The following ADAMTSL3 variants were observed in gnomAD, a reference collection of about 807,000 sequenced individuals.
ADAMTSL3 encodes ADAMTS-like protein 3.
Under a neutral mutation model 201.7 loss-of-function variants are expected in ADAMTSL3, and 128 were observed. The ratio of observed to expected loss-of-function variants is 0.63; its 90% CI spans 0.55 to 0.73. The LOEUF (loss-of-function observed/expected upper bound fraction) is 0.73, where lower values mean the gene tolerates loss of function less well. Among genes scored for constraint, ADAMTSL3 ranks in the 30% least tolerant of loss-of-function variants. ADAMTSL3 has a pLI of 0.00. For missense variants in ADAMTSL3, 1,990 were observed against 2,119.6 expected, an observed-to-expected ratio of 0.94 and a Z score of 1.20; for synonymous variants, 738 against 748.4, an observed-to-expected ratio of 0.99 and a Z score of 0.23.
intron 7 of ADAMTSL3, among the ~76,000 whole-genome samples, chr15:83,849,352 G>A (rs185049258): frequency 1.2e-4 from 19 of 152,200 alleles, no homozygotes; most frequent in African/African-American, 4.6e-4. Flanking sequence ...ATCTCAAACT[G>A]CTAACCTCAA....
At chr15:83,693,696 T>G (rs2141464606) in intron 2 of ADAMTSL3, among the ~76,000 whole-genome samples, 1 of 152,338 alleles carries the variant, frequency 6.6e-6, no homozygotes. Context: ...TTTTCCCATA[T>G]GACATAGTAT....
intron 9 of ADAMTSL3, among the ~76,000 whole-genome samples, chr15:83,872,540 A>G (rs1001350049): frequency 3.3e-5 from 5 of 151,572 alleles, no homozygotes; most frequent in Non-Finnish European, 7.4e-5. Context: ...CATAAATTCT[A>G]TGCTTTCCTT....
intron 21 of ADAMTSL3, among the ~76,000 whole-genome samples, chr15:83,984,420 G>GA (rs1478325017): frequency 6.6e-5 from 10 of 152,226 alleles, no homozygotes; most frequent in African/African-American, 2.2e-4. Context: ...TAAAAAGGTA[G>GA]AAAAAATCTA....
At chr15:83,761,086 T>C (rs768238308) in intron 3 of ADAMTSL3, among the ~76,000 whole-genome samples, 15 of 152,150 alleles carry the variant, frequency 9.9e-5, no homozygotes, top group Non-Finnish European at 1.9e-4. Context: ...TTTCTTATTA[T>C]ATCTTTTCCC....
intron 3 of ADAMTSL3, among the ~76,000 whole-genome samples, chr15:83,744,802 G>A (rs1017504272): frequency 6.6e-6 from 1 of 152,162 alleles, no homozygotes; most frequent in Non-Finnish European, 1.5e-5. Context: ...CAGGACTGTC[G>A]TGTTTGGGGT....
At chr15:83,673,392 T>C (rs1359020362) in intron 2 of ADAMTSL3, among the ~76,000 whole-genome samples, 1 of 152,222 alleles carries the variant, frequency 6.6e-6, no homozygotes, top group Non-Finnish European at 1.5e-5. Flanking sequence ...CTGATTGCTA[T>C]CCTCAGTTTT....
At chr15:83,772,533 A>G (rs1227712807) in intron 3 of ADAMTSL3, among the ~76,000 whole-genome samples, 1 of 151,964 alleles carries the variant, frequency 6.6e-6, no homozygotes, top group Non-Finnish European at 1.5e-5. Context: ...ACTCTTCCCT[A>G]TTTTCTTGGA....
chr15:83,984,231 C>T (rs2067436956), intron 21 of ADAMTSL3, among the ~76,000 whole-genome samples: 1 of 152,156 alleles, frequency 6.6e-6, no homozygotes, highest in Non-Finnish European at 1.5e-5. Flanking sequence ...CTTTAGAGAT[C>T]GTTAAGAGAC....
chr15:83,751,065 A>G (rs2062629809), intron 3 of ADAMTSL3, among the ~76,000 whole-genome samples: 1 of 152,274 alleles, frequency 6.6e-6, no homozygotes, highest in East Asian at 1.9e-4. Flanking sequence ...CAAATCCCAA[A>G]TTTTATGGAG....
chr15:83,779,351 C>G (rs1250976137), intron 4 of ADAMTSL3, among the ~76,000 whole-genome samples: 1 of 152,120 alleles, frequency 6.6e-6, no homozygotes, highest in Non-Finnish European at 1.5e-5. Context: ...TAAAATTGAT[C>G]ACACAATTGA....
chr15:83,994,830 G>A (rs575579874), intron 23 of ADAMTSL3, among the ~76,000 whole-genome samples: 39 of 145,636 alleles, frequency 2.7e-4, no homozygotes, highest in African/African-American at 9.7e-4. Flanking sequence ...GGCTGGTCTC[G>A]AACTCCTGAC....
chr15:84,008,937 C>T (rs1467948927), intron 23 of ADAMTSL3, among the ~76,000 whole-genome samples: 1 of 152,098 alleles, frequency 6.6e-6, no homozygotes, highest in Non-Finnish European at 1.5e-5. Context: ...TCTCACACTA[C>T]CCCACCCCCA....
Position 83,991,133 on chromosome 15 carries a change from CACA to C in ADAMTSL3, c.3895_3897del (p.Asn1299del). On this transcript the variant is annotated inframe_deletion, in exon 23 of 30. Transcript: ENST00000286744. The stretch of plus-strand genomic sequence containing the variant: ...TGAAAGAAATATCACCAAACCAGAG[CACA>C]ACCATCTGTCTGTTGTGGTTGGAGG... 6.2e-7 allele frequency: 1 copy of C among 1,614,216 alleles called. No homozygotes were observed.
chr15:83,886,422 T>TA (rs1401415479), intron 10 of ADAMTSL3, among the ~76,000 whole-genome samples: 1 of 152,216 alleles, frequency 6.6e-6, no homozygotes, highest in Non-Finnish European at 1.5e-5. Flanking sequence ...ATTCCTGTCT[T>TA]ATGCATGAAC....
At chr15:83,928,529 T>A (rs1214716811) in intron 17 of ADAMTSL3, among the ~76,000 whole-genome samples, 3 of 152,122 alleles carry the variant, frequency 2.0e-5, no homozygotes, top group African/African-American at 7.2e-5. Context: ...CAAATGAGAA[T>A]GATTTGCATA....
chr15:83,763,319 C>A (rs1251080892), intron 3 of ADAMTSL3, among the ~76,000 whole-genome samples: 1 of 152,028 alleles, frequency 6.6e-6, no homozygotes, highest in Non-Finnish European at 1.5e-5. Context: ...GGTCACATGC[C>A]CTTTAAAAAT....
At chr15:83,973,236 C>G (rs531984702) in intron 20 of ADAMTSL3, among the ~76,000 whole-genome samples, 1 of 152,172 alleles carries the variant, frequency 6.6e-6, no homozygotes, top group Non-Finnish European at 1.5e-5. Context: ...GCTTCTTGTT[C>G]TGCCTTACCC....
chr15:83,806,464 C>T (rs919280162), intron 5 of ADAMTSL3, among the ~76,000 whole-genome samples: 1 of 152,214 alleles, frequency 6.6e-6, no homozygotes, highest in Non-Finnish European at 1.5e-5. Context: ...TCAACTGACA[C>T]CCTAGGACAC....
At chr15:83,956,264 C>T (rs570379061) in intron 19 of ADAMTSL3, among the ~76,000 whole-genome samples, 1 of 152,308 alleles carries the variant, frequency 6.6e-6, no homozygotes, top group South Asian at 2.1e-4. Flanking sequence ...GATTCTCTCT[C>T]CGTGCCATGC....
Sources: allele counts gnomAD v4.1 joint callset (sites outside exome capture counted in the v4.1 genomes callset), GRCh38; gene constraint gnomAD v4.1.1; transcripts MANE v1.5; gene names NCBI Gene and HGNC (gene_info 2026-07-23, HGNC 2026-07-21).